DAG1: variants seen among roughly 807,000 people sequenced by gnomAD.
The protein encoded by DAG1 is dystroglycan 1.
Under a neutral mutation model 46.1 loss-of-function variants are expected in DAG1, and 8 were observed. That is an observed-to-expected ratio of 0.17 (90% confidence interval 0.10 to 0.31). DAG1 has a LOEUF of 0.31. Among genes scored for constraint, DAG1 ranks in the 10% least tolerant of loss-of-function variants. DAG1 has a pLI of 1.00. For missense variants in DAG1, 1,003 were observed against 1,189.9 expected, an observed-to-expected ratio of 0.84 and a Z score of 2.31; for synonymous variants, 495 against 481.8, an observed-to-expected ratio of 1.03 and a Z score of -0.36.
chr3:49,534,503 GTTTTA>G lies in DAG1; in HGVS notation c.*1307_*1311del, dbSNP rs2051457944. ...TAAAGTTTTTATACAGCCTCAAATTGTTTTATTAAAAAAAAGATTTAAAATGGTGA... is the reference window on the plus strand; with the variant it reads ...TAAAGTTTTTATACAGCCTCAAATTGTTAAAAAAAAGATTTAAAATGGTGA... On this transcript the variant is annotated 3_prime_UTR_variant, in exon 3 of 3. Coordinates refer to ENST00000308775, the MANE Select transcript of DAG1 (RefSeq NM_004393.6). 1 of 152,578 alleles carries G rather than the reference GTTTTA, an allele frequency of 6.6e-6. No individual in the cohort carries two copies. The highest frequency in any genetic ancestry group is 6.5e-5 in the Admixed American group (1 of 15,304). 9.5% of individuals were successfully genotyped at this position (152,578 alleles called of 1,614,324 possible).
chr3:49,510,188 A>C (rs2050724159), intron 1 of DAG1: 1 of 490,546 alleles, frequency 2.0e-6, no homozygotes, highest in Non-Finnish European at 3.6e-6. Context: ...TTTTACATTC[A>C]TTTTTTATGA....
intron 2 of DAG1, among the ~76,000 whole-genome samples, chr3:49,520,110 C>T (rs923052137): frequency 6.6e-6 from 1 of 152,196 alleles, no homozygotes; most frequent in African/African-American, 2.4e-5. Flanking sequence ...TAACTTCCCT[C>T]ATGATTTTTT....
chr3:49,505,626 C>G (rs993733908), intron 1 of DAG1, among the ~76,000 whole-genome samples: 1 of 152,068 alleles, frequency 6.6e-6, no homozygotes, highest in Non-Finnish European at 1.5e-5. Flanking sequence ...ACAATTATGT[C>G]ATCTGCAAAT....
At chr3:49,504,379 A>T (rs2050539501) in intron 1 of DAG1, among the ~76,000 whole-genome samples, 1 of 151,894 alleles carries the variant, frequency 6.6e-6, no homozygotes, top group Non-Finnish European at 1.5e-5. Context: ...CATGTACCAT[A>T]GTTTGTTTAA....
intron 1 of DAG1, among the ~76,000 whole-genome samples, chr3:49,472,838 G>A (rs529771702): frequency 6.6e-6 from 1 of 151,786 alleles, no homozygotes; most frequent in Admixed American, 6.6e-5. Flanking sequence ...TTTATCTCCA[G>A]GCAGGGCGTG....
At chr3:49,478,503 T>G (rs973323736) in intron 1 of DAG1, among the ~76,000 whole-genome samples, 3 of 132,654 alleles carry the variant, frequency 2.3e-5, no homozygotes, top group Admixed American at 8.0e-5. Context: ...GAAGCTGAGG[T>G]GGGGGCATCT....
At position 49,502,993 on chromosome 3, in the gene DAG1, A is replaced by C. The variant is rs1396837478; in HGVS notation, c.-116-7426A>C. Reference sequence around the variant, plus strand: ...TTGTTTTAGTTTTTTTAATTGTCCTACAGAGTTCCATGATATTCCATGAAA... The same window carrying C: ...TTGTTTTAGTTTTTTTAATTGTCCTCCAGAGTTCCATGATATTCCATGAAA... On this transcript the variant is annotated intron_variant, in intron 1 of 2. Coordinates refer to ENST00000308775, the MANE Select transcript of DAG1 (RefSeq NM_004393.6). Among the ~76,000 whole-genome samples, 8 of 152,258 alleles carry C rather than the reference A, an allele frequency of 5.3e-5. No homozygotes were observed. In the South Asian group the frequency reaches 6.2e-4, roughly 12 times the overall value.
intron 2 of DAG1, among the ~76,000 whole-genome samples, chr3:49,515,600 G>A (rs937357960): frequency 2.0e-5 from 3 of 151,616 alleles, no homozygotes; most frequent in South Asian, 2.1e-4. Flanking sequence ...TGCCCAGGCC[G>A]GTCTTGAACT....
intron 1 of DAG1, among the ~76,000 whole-genome samples, chr3:49,489,569 G>GT (rs1028809433): frequency 2.0e-5 from 3 of 151,940 alleles, no homozygotes; most frequent in African/African-American, 4.8e-5. Context: ...TCTGATTTGG[G>GT]TTTTTTTTCC....
At chr3:49,510,967 A>C in intron 2 of DAG1, 148 bp downstream of exon 2, 1 of 1,516,776 alleles carries the variant, frequency 6.6e-7, no homozygotes, top group South Asian at 1.3e-5. Flanking sequence ...ACTGATGTTC[A>C]TAAGAGAATC....
In DAG1 at chr3:49,532,151, G is replaced by A; in HGVS notation, c.1640G>A (p.Gly547Asp). 4 of 1,614,230 alleles carry A rather than the reference G, an allele frequency of 2.5e-6. No homozygotes were observed. The highest frequency in any genetic ancestry group is 3.4e-6 in the Non-Finnish European group (4 of 1,180,040). ...TLKLREQQLV[G>D]EKSWVQFNSN... is the part of the protein sequence containing the mutation. ...AAACTGCGGGAGCAGCAGCTGGTGG[G>A]CGAGAAGTCCTGGGTACAGTTCAAC... is the stretch of plus-strand genomic sequence containing the variant. Residue 547 changes from glycine to aspartate, a missense_variant, in exon 3 of 3, where the codon GGC becomes GAC. By Grantham distance (94) the Gly-to-Asp change is moderately conservative (BLOSUM62 -1). This residue lies in a region of DAG1 where 755 missense variants were observed against 854.1 expected (regional missense o/e 0.88). Transcript: ENST00000308775. This position sits in a 1 kb window ranked among gnomAD's most constrained non-coding sequence, Gnocchi z 5.4.
At chr3:49,513,462 C>T (rs568547543) in intron 2 of DAG1, among the ~76,000 whole-genome samples, 4 of 152,266 alleles carry the variant, frequency 2.6e-5, no homozygotes, top group South Asian at 2.1e-4. Flanking sequence ...AGCTTGCCCC[C>T]GTGACCCGTA....
intron 2 of DAG1, among the ~76,000 whole-genome samples, chr3:49,511,583 G>A (rs1217660676): frequency 2.0e-5 from 3 of 152,212 alleles, no homozygotes; most frequent in Non-Finnish European, 4.4e-5. Context: ...GCATGATCAT[G>A]TCTCACTGTA....
In DAG1 at chr3:49,533,583, A is replaced by G. The variant is rs901160178; in HGVS notation, c.*384A>G. The G allele has an allele frequency of 5.0e-6, 2 of 403,288 alleles. No individual in the cohort carries two copies. Among genetic ancestry groups the G allele is most frequent in the African/African-American group, 4.1e-5 (2 of 48,398 alleles). The allele number at this position is 403,288 out of a possible 1,614,324, so 25.0% of individuals were successfully genotyped here. Reference sequence around the variant, plus strand: ...CTCTCTGCGTTTTGCCTTTAACACTAACTGTACTGTTTTTTCTATTCACGT... The same window carrying G: ...CTCTCTGCGTTTTGCCTTTAACACTGACTGTACTGTTTTTTCTATTCACGT... On this transcript the variant is annotated 3_prime_UTR_variant, in exon 3 of 3. Coordinates refer to ENST00000308775, the MANE Select transcript of DAG1 (RefSeq NM_004393.6).
chr3:49,486,328 C>T (rs1310298377), intron 1 of DAG1, among the ~76,000 whole-genome samples: 1 of 151,918 alleles, frequency 6.6e-6, no homozygotes, highest in Non-Finnish European at 1.5e-5. Context: ...ACGCCATTCT[C>T]CTGCCTCAGC....
chr3:49,514,803 ATATGTG>A (rs1471965194), intron 2 of DAG1, among the ~76,000 whole-genome samples: 1 of 119,062 alleles, frequency 8.4e-6, no homozygotes, highest in African/African-American at 3.4e-5. Context: ...CACTCCTGGC[ATATGTG>A]TGTGTGTGTG....
At chr3:49,483,734 G>A (rs375001658) in intron 1 of DAG1, among the ~76,000 whole-genome samples, 1 of 152,132 alleles carries the variant, frequency 6.6e-6, no homozygotes, top group African/African-American at 2.4e-5. Context: ...GAGTGTGGTG[G>A]CATAATCATA....
intron 1 of DAG1, among the ~76,000 whole-genome samples, chr3:49,479,012 A>G (rs1248370263): frequency 6.6e-6 from 1 of 151,616 alleles, no homozygotes; most frequent in Non-Finnish European, 1.5e-5. Flanking sequence ...ACGAGGTTTT[A>G]CTATGTTAGC....
chr3:49,525,305 G>A (rs189125920), intron 2 of DAG1, among the ~76,000 whole-genome samples: 1 of 152,340 alleles, frequency 6.6e-6, no homozygotes, highest in Admixed American at 6.5e-5. Flanking sequence ...GGGAAAGCAG[G>A]TGACTAGGTT....
Sources: allele counts gnomAD v4.1 joint callset (sites outside exome capture counted in the v4.1 genomes callset), GRCh38; gene constraint gnomAD v4.1.1; regional missense constraint gnomAD v4.1.1; non-coding constraint Gnocchi (gnomAD v3.1); transcripts MANE v1.5; gene names NCBI Gene and HGNC (gene_info 2026-07-23, HGNC 2026-07-21).